Variants in MOSPD2 observed in about 807,000 individuals in gnomAD.
MOSPD2 encodes the protein motile sperm domain containing 2.
In MOSPD2, 5 loss-of-function variants were observed where a neutral mutation model predicts 41.7. The observed-to-expected ratio is 0.12, with a 90% CI of 0.06 to 0.25. MOSPD2 has a LOEUF of 0.25. Ranked by LOEUF, MOSPD2 falls within the 10% of genes least tolerant of loss-of-function variation. MOSPD2 has a pLI of 1.00. For synonymous variants in MOSPD2, 115 were observed against 126.9 expected (o/e 0.91, Z 0.63); for missense variants, 282 against 375.2 (o/e 0.75, Z 2.05).
Position 14,887,581 on chromosome X carries a change from A to G in MOSPD2, c.80-5142A>G, listed in dbSNP as rs184388062. Among the ~76,000 whole-genome samples the G allele has an allele frequency of 1.9e-3, 212 of 112,191 alleles. 2 individuals carry two copies. The highest frequency in any genetic ancestry group is 5.5e-4 in the East Asian group (2 of 3,604). The stretch of plus-strand genomic sequence containing the variant: ...TCTCACATTGTTAGCCTTAAAACAC[A>G]GTTTCAGACCTGTTGGTAACATCAC... On this transcript the variant is annotated intron_variant, in intron 2 of 14. Transcript: ENST00000380492.
intron 5 of MOSPD2, among the ~76,000 whole-genome samples, chrX:14,899,487 C>A (rs2092568698): frequency 9.9e-6 from 1 of 101,407 alleles, no homozygotes; most frequent in Non-Finnish European, 2.0e-5. Flanking sequence ...TGCACAGTGG[C>A]TATAATGATT....
Position 14,921,587 on chromosome X carries a change from C to T in MOSPD2, c.*1778C>T, listed in dbSNP as rs1459524643. On this transcript the variant is annotated 3_prime_UTR_variant, in exon 15 of 15. Coordinates refer to ENST00000380492, the MANE Select transcript of MOSPD2 (RefSeq NM_152581.4). ...CAAGATTGAAAATGTATTGTCCTAA[C>T]GGTGTCCCTTTAATGTTTCATATGA... is the stretch of plus-strand genomic sequence containing the variant. 13 of 320,953 alleles carry T rather than the reference C, an allele frequency of 4.1e-5. No individual in the cohort carries two copies. Among genetic ancestry groups the T allele is most frequent in the South Asian group, 2.1e-4 (1 of 4,877 alleles). The allele number at this position is 320,953 out of a possible 1,213,427, so 26.5% of individuals were successfully genotyped here.
intron 14 of MOSPD2, 104 bp downstream of exon 14, chrX:14,918,886 C>T (rs1259712335): frequency 5.6e-6 from 3 of 535,262 alleles, no homozygotes; most frequent in African/African-American, 4.7e-5. Context: ...GGCATAGACA[C>T]GATAGAAATA....
chrX:14,878,158 T>C (rs763117061), intron 2 of MOSPD2, among the ~76,000 whole-genome samples: 1 of 112,326 alleles, frequency 8.9e-6, no homozygotes, highest in East Asian at 2.8e-4. Flanking sequence ...TGTGGACATT[T>C]AGATTCTTTC....
chrX:14,889,909 C>T (rs1038665489), intron 2 of MOSPD2, among the ~76,000 whole-genome samples: 11 of 111,460 alleles, frequency 9.9e-5, no homozygotes, highest in Non-Finnish European at 1.7e-4. Context: ...GTGTTTTATT[C>T]TTCTTAATAT....
intron 4 of MOSPD2, 84 bp from the exon 5 acceptor site, chrX:14,897,000 A>G: frequency 1.4e-6 from 1 of 727,984 alleles, no homozygotes; most frequent in Middle Eastern, 4.9e-4. Context: ...TGTAAATGAA[A>G]AATGTCAAGG....
intron 12 of MOSPD2, 91 bp downstream of exon 12, chrX:14,915,855 G>C (rs1801142451): frequency 1.3e-6 from 1 of 777,963 alleles, no homozygotes; most frequent in East Asian, 3.3e-5. Context: ...GAGATGTCAG[G>C]CTAGAATCTA....
At chrX:14,919,074 C>T (rs1463486078) in intron 14 of MOSPD2, among the ~76,000 whole-genome samples, 1 of 111,016 alleles carries the variant, frequency 9.0e-6, no homozygotes, top group Non-Finnish European at 1.9e-5. Context: ...AAAAATGAGC[C>T]AGTTGTGGTG....
chrX:14,877,120 T>C (rs2092521969), intron 2 of MOSPD2, among the ~76,000 whole-genome samples: 1 of 111,547 alleles, frequency 9.0e-6, no homozygotes, highest in African/African-American at 3.3e-5. Context: ...AGTGGGAATA[T>C]AGTGTAGAGA....
intron 3 of MOSPD2, 135 bp from the exon 4 acceptor site, chrX:14,895,173 A>AT (rs760808857): frequency 2.1e-4 from 94 of 438,552 alleles, no homozygotes; most frequent in Non-Finnish European, 2.5e-4. Flanking sequence ...ATTGCCAGAG[A>AT]TTTTTTTTTG....
At chrX:14,892,491 C>T (rs2092555724) in intron 2 of MOSPD2, among the ~76,000 whole-genome samples, 1 of 111,671 alleles carries the variant, frequency 9.0e-6, no homozygotes, top group Non-Finnish European at 1.9e-5. Context: ...GACCCCACCT[C>T]CAACACTGGG....
At chrX:14,877,340 A>T (rs761204085) in intron 2 of MOSPD2, among the ~76,000 whole-genome samples, 1 of 111,539 alleles carries the variant, frequency 9.0e-6, no homozygotes, top group African/African-American at 3.3e-5. Context: ...CATTGTTTAC[A>T]GTCTTTTTTC....
intron 2 of MOSPD2, among the ~76,000 whole-genome samples, chrX:14,876,118 T>G (rs1288913957): frequency 8.9e-6 from 1 of 112,376 alleles, no homozygotes; most frequent in Admixed American, 9.4e-5. Flanking sequence ...CCTTCTTACC[T>G]TAAGGTTTCA....
intron 5 of MOSPD2, among the ~76,000 whole-genome samples, chrX:14,899,607 A>ACACAC (rs1569103818): frequency 2.3e-4 from 14 of 62,137 alleles, no homozygotes; most frequent in East Asian, 2.0e-3. Context: ...CACACACACA[A>ACACAC]AGGTATTATT....
At chrX:14,889,612 C>T (rs904944495) in intron 2 of MOSPD2, among the ~76,000 whole-genome samples, 25 of 109,584 alleles carry the variant, frequency 2.3e-4, no homozygotes, top group African/African-American at 7.3e-4. Flanking sequence ...CCCCCAACCC[C>T]CATGTGCCTA....
rs2031584294 is a variant in MOSPD2 at position 14,873,484 on chromosome X, G to T, written c.-45G>T. The T allele has an allele frequency of 8.3e-7, 1 of 1,211,388 alleles. No individual in the cohort carries two copies. Among genetic ancestry groups the T allele is most frequent in the Non-Finnish European group, 1.1e-6 (1 of 895,117 alleles). On this transcript the variant is annotated 5_prime_UTR_variant, in exon 1 of 15. Coordinates refer to ENST00000380492, the MANE Select transcript of MOSPD2 (RefSeq NM_152581.4). Reference sequence around the variant, plus strand: ...ATGAGATACTCGGTCGGCGACGGTAGAACGGGCGACGGCGACAACCGCAAT... The same window carrying T: ...ATGAGATACTCGGTCGGCGACGGTATAACGGGCGACGGCGACAACCGCAAT...
At chrX:14,886,627 A>T (rs2092542050) in intron 2 of MOSPD2, among the ~76,000 whole-genome samples, 1 of 110,801 alleles carries the variant, frequency 9.0e-6, no homozygotes, top group Non-Finnish European at 1.9e-5. Context: ...AGTCTTAGAT[A>T]TTTGCCATCT....
chrX:14,891,544 T>G (rs747293734), intron 2 of MOSPD2, among the ~76,000 whole-genome samples: 2 of 109,806 alleles, frequency 1.8e-5, no homozygotes, highest in East Asian at 5.6e-4. Context: ...TTTCTTTTTT[T>G]GTCTTTATTT....
chrX:14,914,414 A>G, intron 10 of MOSPD2, 89 bp from the exon 11 acceptor site: 1 of 552,146 alleles, frequency 1.8e-6, no homozygotes, highest in Admixed American at 3.7e-5. Flanking sequence ...AGCATAAGAT[A>G]TTAACTAAAT....
Sources: gnomAD v4.1 joint callset for allele counts (sites outside exome capture counted in the v4.1 genomes callset) on GRCh38, gnomAD v4.1.1 for gene constraint, MANE v1.5 for transcripts, NCBI Gene and HGNC (gene_info 2026-07-23, HGNC 2026-07-21) for gene names.